The following CCNT2 variants were observed in gnomAD, a reference collection of about 807,000 sequenced individuals.
CCNT2 encodes cyclin T2.
Under a neutral mutation model 70.0 loss-of-function variants are expected in CCNT2, and 18 were observed. The observed-to-expected ratio is 0.26, with a 90% confidence interval of 0.18 to 0.38. The LOEUF (loss-of-function observed/expected upper bound fraction) is 0.38. CCNT2 is among the 10% of genes least tolerant of loss of function. The pLI, the probability that CCNT2 is intolerant of heterozygous loss-of-function variation, is 1.00. For synonymous variants in CCNT2, 334 were observed against 313.3 expected (o/e 1.07, Z -0.70); for missense variants, 734 against 890.2 (o/e 0.82, Z 2.23).
chr2:134,937,121 G>A, intron 3 of CCNT2, 152 bp downstream of exon 3: 1 of 538,540 alleles, frequency 1.9e-6, no homozygotes, highest in South Asian at 2.5e-5. Context: ...GAAGCAGTCT[G>A]GCAGAAAAAC....
intron 7 of CCNT2, among the ~76,000 whole-genome samples, chr2:134,948,930 G>C (rs1682218419): frequency 6.6e-6 from 1 of 151,994 alleles, no homozygotes; most frequent in Non-Finnish European, 1.5e-5. Flanking sequence ...GGCCAGGCTG[G>C]TCTCAAACTC....
Position 134,959,237 on chromosome 2 carries a change from A to G in CCNT2, c.*4589A>G, listed in dbSNP as rs1340741073. On this transcript the variant is annotated 3_prime_UTR_variant, in exon 9 of 9. Coordinates refer to ENST00000264157, the MANE Select transcript of CCNT2 (RefSeq NM_058241.3). ...CAACAATTGAACAGGATGTTTGCTAATAGAAAATCTAAAACAGGAATATGT... is the reference window on the plus strand; with the variant it reads ...CAACAATTGAACAGGATGTTTGCTAGTAGAAAATCTAAAACAGGAATATGT... 6.6e-6 allele frequency: 1 copy of G among 152,198 alleles called. No homozygotes were observed. Among genetic ancestry groups the G allele is most frequent in the Non-Finnish European group, 1.5e-5 (1 of 68,038 alleles). 9.4% of individuals were successfully genotyped at this position (152,198 alleles called of 1,614,324 possible).
chr2:134,952,957 G>A, intron 8 of CCNT2: 2 of 480,580 alleles, frequency 4.2e-6, no homozygotes, highest in Non-Finnish European at 7.3e-6. Context: ...TACAAATGGG[G>A]AAACTGAAGC....
intron 8 of CCNT2, 53 bp from the exon 9 acceptor site, chr2:134,953,177 T>C: frequency 3.2e-6 from 4 of 1,259,124 alleles, no homozygotes; most frequent in Non-Finnish European, 4.5e-6. Context: ...ACAAGAAATT[T>C]GCATTAAATT....
At chr2:134,938,938 CAG>C in intron 3 of CCNT2, 62 bp from the exon 4 acceptor site, 2 of 997,462 alleles carry the variant, frequency 2.0e-6, no homozygotes, top group Non-Finnish European at 3.1e-6. Flanking sequence ...CAAGATGTAA[CAG>C]TCATGCAGTC....
chr2:134,947,953 C>A, intron 7 of CCNT2, 54 bp downstream of exon 7: 2 of 1,053,070 alleles, frequency 1.9e-6, no homozygotes, highest in South Asian at 4.9e-5. Context: ...TGGCAGTTGT[C>A]TGAATTGACA....
chr2:134,954,333 A>AG lies in CCNT2; in HGVS notation c.1878_1879insG (p.Ser627ValfsTer17). 2 of 1,614,230 alleles carry AG rather than the reference A, an allele frequency of 1.2e-6. No individual in the cohort carries two copies. The highest frequency in any genetic ancestry group is 1.7e-6 in the Non-Finnish European group (2 of 1,180,028). ...GGAAGAGGCTGCATGTCAATGATGC[A>AG]TCTCACAACCACCACTCCAAAATGA... is the stretch of plus-strand genomic sequence containing the variant. On this transcript the variant is annotated frameshift_variant, in exon 9 of 9. Transcript: ENST00000264157. LOFTEE classifies it high-confidence loss of function.
At chr2:134,949,060 C>G (rs531430104) in intron 7 of CCNT2, among the ~76,000 whole-genome samples, 2 of 149,376 alleles carry the variant, frequency 1.3e-5, no homozygotes, top group Middle Eastern at 3.4e-3. Flanking sequence ...TCACTCTGCC[C>G]CCCAAGCTGG....
In CCNT2 at chr2:134,955,867, G is replaced by A. The variant is rs937929955; in HGVS notation, c.*1219G>A. The A allele has an allele frequency of 6.6e-6, 1 of 152,574 alleles. No homozygotes were observed. The highest frequency in any genetic ancestry group is 2.4e-5 in the African/African-American group (1 of 41,426). 9.5% of individuals were successfully genotyped at this position (152,574 alleles called of 1,614,324 possible). ...ATTGTACCTGTATTTATAGTTTATG[G>A]TTATCAGGAAGCTCTGTAAGAAAGA... On this transcript the variant is annotated 3_prime_UTR_variant, in exon 9 of 9. Transcript: ENST00000264157.
chr2:134,920,769 A>G (rs1319975964), intron 2 of CCNT2, among the ~76,000 whole-genome samples: 1 of 152,164 alleles, frequency 6.6e-6, no homozygotes, highest in Non-Finnish European at 1.5e-5. Flanking sequence ...ACCAAAGAAG[A>G]CTTTCTGCTA....
chr2:134,928,274 C>CTTTTTTTTTGTTTTTTTTTTTTT (rs1680445997), intron 2 of CCNT2, among the ~76,000 whole-genome samples: 1 of 96,428 alleles, frequency 1.0e-5, no homozygotes, highest in Non-Finnish European at 2.0e-5. Flanking sequence ...CATTGTATTT[C>CTTTTTTTTTGTTTTTTTTTTTTT]TTTTTTTTTT....
At chr2:134,945,328 A>G in intron 5 of CCNT2, 8 of 985,310 alleles carry the variant, frequency 8.1e-6, no homozygotes, top group Non-Finnish European at 9.6e-6. Flanking sequence ...TGTAATTGGG[A>G]AAAAGGGAAA....
chr2:134,932,392 A>G lies in CCNT2; in HGVS notation c.241-4449A>G, dbSNP rs1209209085. Among the ~76,000 whole-genome samples the G allele has an allele frequency of 2.0e-5, 3 of 152,134 alleles. 1 individual carries two copies. The East Asian group carries it at 5.8e-4, about 29-fold the overall frequency. On this transcript the variant is annotated intron_variant, in intron 2 of 8. Coordinates refer to ENST00000264157, the MANE Select transcript of CCNT2 (RefSeq NM_058241.3). The stretch of plus-strand genomic sequence containing the variant: ...GCCGGTTATGTTAACCATTTTCAGT[A>G]TATTGTTTAAGTATAATGTAGTTAC...
At position 134,954,122 on chromosome 2, in the gene CCNT2, A is replaced by T. The variant is rs765223005; in HGVS notation, c.1667A>T (p.His556Leu). The T allele has an allele frequency of 6.2e-7, 1 of 1,614,204 alleles. No homozygotes were observed. Among genetic ancestry groups the T allele is most frequent in the African/African-American group, 1.3e-5 (1 of 75,036 alleles). ...TCAAGCCCACATATTAGCAGAGACC[A>T]TAAGGAGAAGCACAAGGAGCATCCT... is the stretch of plus-strand genomic sequence containing the variant. ...KHSSPHISRD[H>L]KEKHKEHPSS... Residue 556 changes from histidine (H) to leucine (L), a missense_variant, in exon 9 of 9, where the codon CAT (histidine) becomes CTT (leucine). This residue lies in a region of CCNT2 where 532 missense variants were observed against 556.9 expected (regional missense o/e 0.96). Coordinates refer to ENST00000264157, the MANE Select transcript of CCNT2 (RefSeq NM_058241.3).
Position 134,958,386 on chromosome 2 carries a change from G to C in CCNT2, c.*3738G>C, listed in dbSNP as rs1382536898. The C allele has an allele frequency of 6.6e-6, 1 of 152,182 alleles. No homozygotes were observed. The highest frequency in any genetic ancestry group is 2.1e-4 in the South Asian group (1 of 4,836). 9.4% of individuals were successfully genotyped at this position (152,182 alleles called of 1,614,324 possible). A position where few individuals can be genotyped will look rare whatever the true frequency, so the allele number is the denominator to read the frequency against. On this transcript the variant is annotated 3_prime_UTR_variant, in exon 9 of 9. Coordinates refer to ENST00000264157, the MANE Select transcript of CCNT2 (RefSeq NM_058241.3). ...TGCCTCAGAGGCTGTCTTGAAGGGA[G>C]ACAGTAGGATTCACTGACTACCTTT...
chr2:134,936,345 T>C (rs1486308232), intron 2 of CCNT2, among the ~76,000 whole-genome samples: 1 of 152,160 alleles, frequency 6.6e-6, no homozygotes, highest in Non-Finnish European at 1.5e-5. Context: ...ATAGATTAGT[T>C]CTATTTAATG....
chr2:134,944,753 T>G (rs1423425472), intron 5 of CCNT2: 1 of 985,224 alleles, frequency 1.0e-6, no homozygotes, highest in East Asian at 1.1e-4. Flanking sequence ...TTTTAGTGTC[T>G]TTTTGTTTTC....
intron 6 of CCNT2, 63 bp downstream of exon 6, chr2:134,946,209 G>T: frequency 6.4e-7 from 1 of 1,561,054 alleles, no homozygotes; most frequent in Non-Finnish European, 8.8e-7. Flanking sequence ...TTAATGCAGG[G>T]CCCCCTCAAT....
rs1681904372 is a variant in CCNT2, at chr2:134,945,673, G to A, written c.494-428G>A. ...TTGTTTTGTTTTGTTTTTGATGGAA[G>A]TATTTAAGCCAACTTAAATATGACT... On this transcript the variant is annotated intron_variant, in intron 5 of 8. Transcript: ENST00000264157. The A allele has an allele frequency of 3.2e-5, 39 of 1,235,400 alleles. 1 individual carries two copies. The South Asian group carries it at 5.3e-4, about 17-fold the overall frequency. 76.5% of individuals were successfully genotyped at this position (1,235,400 alleles called of 1,614,324 possible).
Sources: allele counts gnomAD v4.1 joint callset (sites outside exome capture counted in the v4.1 genomes callset), GRCh38; gene constraint gnomAD v4.1.1; regional missense constraint gnomAD v4.1.1; transcripts MANE v1.5; gene names NCBI Gene and HGNC (gene_info 2026-07-23, HGNC 2026-07-21).